The following CDH4 variants were observed in gnomAD, a reference collection of about 807,000 sequenced individuals.
CDH4 encodes the protein cadherin-4.
Under a neutral mutation model 86.0 loss-of-function variants are expected in CDH4, and 33 were observed. The ratio of observed to expected loss-of-function variants is 0.38; its 90% confidence interval spans 0.29 to 0.51. CDH4 has a LOEUF of 0.51. Ranked by LOEUF, CDH4 falls within the 20% of genes least tolerant of loss-of-function variation. The pLI, the probability that CDH4 is intolerant of heterozygous loss-of-function variation, is 0.86. For synonymous variants in CDH4, 555 were observed against 549.4 expected, an observed-to-expected ratio of 1.01 and a Z score of -0.14; for missense variants, 1,114 against 1,307.4, an observed-to-expected ratio of 0.85 and a Z score of 2.28.
intron 4 of CDH4, among the ~76,000 whole-genome samples, chr20:61,813,178 T>TA (rs1261399762): frequency 3.3e-5 from 5 of 152,218 alleles, no homozygotes; most frequent in African/African-American, 1.2e-4. Context: ...ATTACCAGTG[T>TA]AAACAAGATT....
chr20:61,494,451 C>T (rs1275012361), intron 2 of CDH4, among the ~76,000 whole-genome samples: 1 of 152,210 alleles, frequency 6.6e-6, no homozygotes, highest in African/African-American at 2.4e-5. Context: ...ACAAACAACT[C>T]ATAATGAAAT....
In CDH4 at chr20:61,252,853, A is replaced by C. The variant is rs28405297; in HGVS notation, c.57+283A>C. ...ACCGGACCCGCCGAGCCTCCCTCGA[A>C]CGCCCAAAGCCCGTAGCCGCTACCC... is the stretch of plus-strand genomic sequence containing the variant. On this transcript the variant is annotated intron_variant, in intron 1 of 15. Transcript: ENST00000614565. The surrounding 1 kb of genome is among the most constrained non-coding windows in gnomAD (Gnocchi z 4.4). Among the ~76,000 whole-genome samples the C allele has an allele frequency of 0.98, 149,525 of 151,828 alleles. 73,654 individuals are homozygous for C. Among genetic ancestry groups the C allele is most frequent in the East Asian group, 1 (5,042 of 5,042 alleles).
intron 2 of CDH4, among the ~76,000 whole-genome samples, chr20:61,569,979 C>G (rs992389256): frequency 2.0e-5 from 3 of 152,206 alleles, no homozygotes; most frequent in African/African-American, 7.2e-5. Flanking sequence ...AAACACTCCT[C>G]TCTTTAGCTG....
intron 2 of CDH4, among the ~76,000 whole-genome samples, chr20:61,689,774 T>G (rs1216407300): frequency 0.018 from 986 of 55,422 alleles, no homozygotes; most frequent in Middle Eastern, 0.033. Flanking sequence ...GGCTGGGACA[T>G]TGTTTGGTGA....
chr20:61,912,078 A>G (rs1195523949), intron 9 of CDH4, among the ~76,000 whole-genome samples: 1 of 152,210 alleles, frequency 6.6e-6, no homozygotes, highest in Non-Finnish European at 1.5e-5. Context: ...TCGTGGTCCA[A>G]AATGGCTACT....
chr20:61,270,202 G>C (rs372092112), intron 2 of CDH4, among the ~76,000 whole-genome samples: 3 of 152,192 alleles, frequency 2.0e-5, no homozygotes, highest in Non-Finnish European at 1.5e-5. Flanking sequence ...ACCGGCTATC[G>C]TTATTTATTA....
chr20:61,631,053 C>T (rs896084292), intron 2 of CDH4, among the ~76,000 whole-genome samples: 13 of 152,204 alleles, frequency 8.5e-5, no homozygotes, highest in Non-Finnish European at 1.3e-4. Flanking sequence ...CAGGATCTAA[C>T]GTGTGAGGAC....
At chr20:61,776,909 A>G (rs546527729) in intron 4 of CDH4, among the ~76,000 whole-genome samples, 1 of 152,114 alleles carries the variant, frequency 6.6e-6, no homozygotes, top group Admixed American at 6.5e-5. Context: ...AAGGAGGGGG[A>G]AATATGGTTG....
chr20:61,507,204 C>T (rs1046711660), intron 2 of CDH4, among the ~76,000 whole-genome samples: 4 of 152,074 alleles, frequency 2.6e-5, no homozygotes, highest in African/African-American at 9.7e-5. Context: ...ATACATCTTC[C>T]CCAAAGGTAG....
Position 61,417,591 on chromosome 20 carries a change from A to G in CDH4, c.169+162654A>G, listed in dbSNP as rs546768332. On this transcript the variant is annotated intron_variant, in intron 2 of 15. Coordinates refer to ENST00000614565, the MANE Select transcript of CDH4 (RefSeq NM_001794.5). This position sits in a 1 kb window ranked among gnomAD's most constrained non-coding sequence, Gnocchi z 4.0. The stretch of plus-strand genomic sequence containing the variant: ...CTCCCTGGCCCTGTTTCTGGCTGGA[A>G]TGCATTTCTGTATCGCTATCTAGCA... Among the ~76,000 whole-genome samples the G allele has an allele frequency of 6.6e-6, 1 of 152,202 alleles. No homozygotes were observed. Among genetic ancestry groups the G allele is most frequent in the African/African-American group, 2.4e-5 (1 of 41,454 alleles).
intron 2 of CDH4, among the ~76,000 whole-genome samples, chr20:61,731,740 G>C (rs1260515868): frequency 3.3e-5 from 5 of 152,200 alleles, no homozygotes; most frequent in Non-Finnish European, 7.4e-5. Context: ...GGAGACGTGA[G>C]TGAGTGGCTC....
At chr20:61,627,480 G>A (rs1456807819) in intron 2 of CDH4, among the ~76,000 whole-genome samples, 9 of 152,184 alleles carry the variant, frequency 5.9e-5, no homozygotes, top group Admixed American at 5.9e-4. Context: ...GATGCCAGGA[G>A]CACCCTGCCC....
At chr20:61,856,542 G>A (rs1275369286) in intron 6 of CDH4, among the ~76,000 whole-genome samples, 4 of 75,058 alleles carry the variant, frequency 5.3e-5, no homozygotes, top group African/African-American at 5.5e-5. Context: ...ACCTCCCCCC[G>A]CCGGGATCCA....
chr20:61,905,814 A>T (rs898239025), intron 8 of CDH4, among the ~76,000 whole-genome samples: 4 of 152,192 alleles, frequency 2.6e-5, no homozygotes, highest in African/African-American at 9.7e-5. Flanking sequence ...GGAATTCAGA[A>T]GGTGCAGGGG....
chr20:61,782,302 C>G (rs1978590400), intron 4 of CDH4, among the ~76,000 whole-genome samples: 1 of 152,080 alleles, frequency 6.6e-6, no homozygotes, highest in Non-Finnish European at 1.5e-5. Flanking sequence ...GAGTGATACT[C>G]TGCCTCAAAA....
chr20:61,599,836 G>A, intron 2 of CDH4: 1 of 985,612 alleles, frequency 1.0e-6, no homozygotes, highest in Non-Finnish European at 1.2e-6. Flanking sequence ...GGTTGAAGCT[G>A]AAGCCCGCTT....
chr20:61,803,669 G>A (rs1979959361), intron 4 of CDH4, among the ~76,000 whole-genome samples: 1 of 152,252 alleles, frequency 6.6e-6, no homozygotes, highest in Admixed American at 6.5e-5. Flanking sequence ...GGATAAGGGG[G>A]CGCCCAGAGC....
intron 4 of CDH4, among the ~76,000 whole-genome samples, chr20:61,785,676 G>A (rs1978844347): frequency 6.6e-6 from 1 of 152,052 alleles, no homozygotes; most frequent in South Asian, 2.1e-4. Context: ...CAGGTGTGCA[G>A]GGCTCCTACC....
In CDH4 at chr20:61,484,050, C is replaced by T. The variant is rs546142039; in HGVS notation, c.169+229113C>T. On this transcript the variant is annotated intron_variant, in intron 2 of 15. Coordinates refer to ENST00000614565, the MANE Select transcript of CDH4 (RefSeq NM_001794.5). ...CTCTTGGTATTTTCTCTTTGCTCTCCGCTGGGGACGCATCTTCCTAAAGCA... is the reference window on the plus strand; with the variant it reads ...CTCTTGGTATTTTCTCTTTGCTCTCTGCTGGGGACGCATCTTCCTAAAGCA... Among the ~76,000 whole-genome samples the T allele has an allele frequency of 3.9e-5, 6 of 152,214 alleles. No individual in the cohort carries two copies. The South Asian group carries it at 6.2e-4, about 16-fold the overall frequency.
Sources: allele counts gnomAD v4.1 joint callset (sites outside exome capture counted in the v4.1 genomes callset), GRCh38; gene constraint gnomAD v4.1.1; non-coding constraint Gnocchi (gnomAD v3.1); transcripts MANE v1.5; gene names NCBI Gene and HGNC (gene_info 2026-07-23, HGNC 2026-07-21).